FOLH1: variants seen among roughly 807,000 people sequenced by gnomAD.
The protein encoded by FOLH1 is glutamate carboxypeptidase 2.
Under a neutral mutation model 93.9 loss-of-function variants are expected in FOLH1, and 54 were observed. That is an observed-to-expected ratio of 0.57 (90% CI 0.46 to 0.72). FOLH1 has a LOEUF of 0.72. Among genes scored for constraint, FOLH1 ranks in the 30% least tolerant of loss-of-function variants. FOLH1 has a pLI of 0.00. For synonymous variants in FOLH1, 249 were observed against 303.6 expected (o/e 0.82, Z 1.87); for missense variants, 571 against 892.5 (o/e 0.64, Z 4.59).
intron 15 of FOLH1, among the ~76,000 whole-genome samples, chr11:49,155,864 A>G (rs1320422537): frequency 1.1e-4 from 15 of 135,662 alleles, no homozygotes; most frequent in African/African-American, 4.0e-4. Context: ...GGGAATCATG[A>G]CTTTTACACG....
chr11:49,173,621 T>C (rs1859644150), intron 9 of FOLH1, 145 bp from the exon 10 acceptor site: 1 of 835,270 alleles, frequency 1.2e-6, no homozygotes, highest in Non-Finnish European at 1.7e-6. Flanking sequence ...TGAAAATATG[T>C]TATTTCTGAT....
intron 13 of FOLH1, among the ~76,000 whole-genome samples, chr11:49,162,548 C>G (rs1429538620): frequency 1.3e-5 from 2 of 152,182 alleles, no homozygotes; most frequent in Non-Finnish European, 2.9e-5. Flanking sequence ...TCCTTTACCT[C>G]AGTAAACTTT....
chr11:49,154,243 A>C lies in FOLH1; in HGVS notation c.1873T>G (p.Tyr625Asp). ...GGTAACATACCAAATGATACACTGT[A>C]TGTCTTCATTTCCTGTGGATGTTTC... Reference protein sequence around the residue: ...SMKHPQEMKTYSVSFDSLFSA... With the variant: ...SMKHPQEMKTDSVSFDSLFSA... The change falls in exon 16 of 19, where the codon TAC (tyrosine) becomes GAC (aspartate). Residue 625 changes from tyrosine (Y) to aspartate (D), a missense_variant. This residue lies in a region of FOLH1 where 500 missense variants were observed against 822.9 expected (regional missense o/e 0.61). Coordinates refer to ENST00000256999, the MANE Select transcript of FOLH1 (RefSeq NM_004476.3). 6.2e-7 allele frequency: 1 copy of C among 1,613,424 alleles called. No individual in the cohort carries two copies. The highest frequency in any genetic ancestry group is 8.5e-7 in the Non-Finnish European group (1 of 1,179,510).
At chr11:49,155,904 A>T (rs1287184729) in intron 15 of FOLH1, among the ~76,000 whole-genome samples, 2 of 144,794 alleles carry the variant, frequency 1.4e-5, no homozygotes, top group African/African-American at 5.0e-5. Context: ...ATATGATTTG[A>T]CTCTGTGTCC....
intron 13 of FOLH1, among the ~76,000 whole-genome samples, chr11:49,159,312 C>G (rs1052724090): frequency 2.0e-5 from 3 of 152,286 alleles, no homozygotes; most frequent in Admixed American, 6.5e-5. Flanking sequence ...CCTTCAATAC[C>G]TAGTTTATTG....
At position 49,183,255 on chromosome 11, in the gene FOLH1, A is replaced by G. The variant is rs1317315587; in HGVS notation, c.827-13T>C. 6.3e-7 allele frequency: 1 copy of G among 1,597,564 alleles called. No homozygotes were observed. Among genetic ancestry groups the G allele is most frequent in the African/African-American group, 1.3e-5 (1 of 74,116 alleles). On this transcript the variant is annotated splice_polypyrimidine_tract_variant and intron_variant, in intron 6 of 18. Transcript: ENST00000256999. ...CTATAAGCATATTCTGAAAAAAAAA[A>G]TTGCCATATTTCCAGTAAAAACTCA...
chr11:49,165,281 C>T (rs1484121399), intron 12 of FOLH1, among the ~76,000 whole-genome samples: 3 of 152,226 alleles, frequency 2.0e-5, no homozygotes, highest in Admixed American at 6.5e-5. Flanking sequence ...TCCCACTAGA[C>T]GATAAGTCCC....
At position 49,173,490 on chromosome 11, in the gene FOLH1, A is replaced by G. The variant is rs750381978; in HGVS notation, c.1106-14T>C. On this transcript the variant is annotated splice_polypyrimidine_tract_variant and intron_variant, in intron 9 of 18. Transcript: ENST00000256999. ...TGACATATCTGTCTAGAAAGCATAG[A>G]TACAAGATTATTTGTCATTTCAGGT... 6.4e-7 allele frequency: 1 copy of G among 1,572,546 alleles called. No homozygotes were observed. Among genetic ancestry groups the G allele is most frequent in the East Asian group, 2.3e-5 (1 of 44,408 alleles).
At chr11:49,147,938 A>T (rs1590391767) in intron 18 of FOLH1, among the ~76,000 whole-genome samples, 1 of 150,728 alleles carries the variant, frequency 6.6e-6, no homozygotes, top group Non-Finnish European at 1.5e-5. Flanking sequence ...TAGGAAAAAA[A>T]GGGGGGGTGG....
chr11:49,207,689 A>T (rs1004784353), intron 1 of FOLH1: 3 of 349,228 alleles, frequency 8.6e-6, no homozygotes, highest in African/African-American at 6.4e-5. Context: ...GCTGAGAGGG[A>T]CTCGGTAACT....
intron 7 of FOLH1, among the ~76,000 whole-genome samples, chr11:49,176,836 A>G (rs1481635051): frequency 7.0e-6 from 1 of 142,700 alleles, no homozygotes; most frequent in Non-Finnish European, 1.5e-5. Context: ...AATACTCCAA[A>G]CCTTAAACCC....
chr11:49,181,361 C>A (rs748078664), intron 7 of FOLH1, among the ~76,000 whole-genome samples: 3 of 152,088 alleles, frequency 2.0e-5, no homozygotes, highest in East Asian at 3.9e-4. Flanking sequence ...CTGCTCGCCT[C>A]GGCCTCCCAA....
Position 49,184,439 on chromosome 11 carries a change from T to G in FOLH1, c.827-1197A>C, listed in dbSNP as rs114422313. 1.0e-2 allele frequency among the ~76,000 whole-genome samples: 1,522 copies of G among 152,276 alleles called. 24 individuals carry two copies. The highest frequency in any genetic ancestry group is 0.034 in the African/African-American group (1,433 of 41,560). On this transcript the variant is annotated intron_variant, in intron 6 of 18. Transcript: ENST00000256999. ...AGAAAATCAACAGAAACATTCCAGTTAATCTCATTTTATTTTCATTATTTT... is the reference window on the plus strand; with the variant it reads ...AGAAAATCAACAGAAACATTCCAGTGAATCTCATTTTATTTTCATTATTTT...
intron 12 of FOLH1, among the ~76,000 whole-genome samples, chr11:49,167,933 AAAATG>A (rs1212933586): frequency 1.1e-4 from 16 of 151,534 alleles, no homozygotes; most frequent in African/African-American, 3.9e-4. Flanking sequence ...CCAGAAAAAG[AAAATG>A]CCAACGTGAC....
intron 15 of FOLH1, among the ~76,000 whole-genome samples, chr11:49,155,041 C>G (rs1342763725): frequency 6.6e-6 from 1 of 151,954 alleles, no homozygotes; most frequent in African/African-American, 2.4e-5. Context: ...AGACAGGTGT[C>G]AGGAAAACCA....
At chr11:49,204,277 C>T (rs190905066) in intron 2 of FOLH1, among the ~76,000 whole-genome samples, 93 of 152,324 alleles carry the variant, frequency 6.1e-4, no homozygotes, top group Middle Eastern at 6.8e-3. Context: ...CCTTTCTTTC[C>T]TGTTATAAGG....
chr11:49,184,477 C>CTAAGCA (rs1861149151), intron 6 of FOLH1, among the ~76,000 whole-genome samples: 2 of 151,970 alleles, frequency 1.3e-5, no homozygotes, highest in Non-Finnish European at 2.9e-5. Flanking sequence ...CTTTGCATAA[C>CTAAGCA]TAATAAAGCT....
chr11:49,145,753 T>C lies in FOLH1; in HGVS notation c.*1003A>G, dbSNP rs1855752595. On this transcript the variant is annotated 3_prime_UTR_variant, in exon 19 of 19. Coordinates refer to ENST00000256999, the MANE Select transcript of FOLH1 (RefSeq NM_004476.3). Reference sequence around the variant, plus strand: ...CTTCTCTTTACATATTACTAGACAATATTTCATTGTTCCAATGCTGTAACA... The same window carrying C: ...CTTCTCTTTACATATTACTAGACAACATTTCATTGTTCCAATGCTGTAACA... Among the ~76,000 whole-genome samples the C allele has an allele frequency of 6.6e-6, 1 of 152,184 alleles. No individual in the cohort carries two copies. Among genetic ancestry groups the C allele is most frequent in the Non-Finnish European group, 1.5e-5 (1 of 68,024 alleles).
chr11:49,177,099 T>A (rs1036138571), intron 7 of FOLH1, among the ~76,000 whole-genome samples: 18 of 152,206 alleles, frequency 1.2e-4, no homozygotes, highest in African/African-American at 4.3e-4. Flanking sequence ...CAACTTAACC[T>A]AGAATCTACT....
Sources: allele counts gnomAD v4.1 joint callset (sites outside exome capture counted in the v4.1 genomes callset), GRCh38; gene constraint gnomAD v4.1.1; regional missense constraint gnomAD v4.1.1; transcripts MANE v1.5; gene names NCBI Gene and HGNC (gene_info 2026-07-23, HGNC 2026-07-21).